The following PRKCB variants were observed in gnomAD, a reference collection of about 807,000 sequenced individuals.
The protein encoded by PRKCB is protein kinase C beta type.
PRKCB carries 13 observed loss-of-function variants against 81.5 expected under a neutral mutation model. The ratio of observed to expected loss-of-function variants is 0.16; its 90% CI spans 0.10 to 0.25. The LOEUF (loss-of-function observed/expected upper bound fraction) is 0.25. Ranked by LOEUF, PRKCB falls within the 10% of genes least tolerant of loss-of-function variation. The pLI, the probability that PRKCB is intolerant of heterozygous loss-of-function variation, is 1.00. For missense variants in PRKCB, 509 were observed against 875.7 expected (o/e 0.58, Z 5.29); for synonymous variants, 335 against 321.4 (o/e 1.04, Z -0.45).
intron 2 of PRKCB, among the ~76,000 whole-genome samples, chr16:23,863,474 C>T (rs1373961090): frequency 6.6e-6 from 1 of 152,060 alleles, no homozygotes. Flanking sequence ...TGGATCAGGA[C>T]TCCTTTCCTG....
At chr16:24,015,645 A>T (rs1272106556) in intron 3 of PRKCB, among the ~76,000 whole-genome samples, 4 of 151,762 alleles carry the variant, frequency 2.6e-5, no homozygotes, top group Admixed American at 2.6e-4. Flanking sequence ...CTTAAACTTC[A>T]TTTTCTCAGG....
Position 24,185,650 on chromosome 16 carries a change from G to C in PRKCB, c.1722+83G>C, listed in dbSNP as rs3729903. 6.8e-3 allele frequency: 7,778 copies of C among 1,151,858 alleles called. 31 individuals carry two copies. Among genetic ancestry groups the C allele is most frequent in the South Asian group, 9.5e-3 (721 of 75,678 alleles). The allele number at this position is 1,151,858 out of a possible 1,614,324, so 71.4% of individuals were successfully genotyped here. ...ACCTTGCCCAAGAACACCCCACCAGGGGGGAACACAGCCTGAACTCCACCC... is the reference window on the plus strand; with the variant it reads ...ACCTTGCCCAAGAACACCCCACCAGCGGGGAACACAGCCTGAACTCCACCC... On this transcript the variant is annotated intron_variant, in intron 15 of 16. Transcript: ENST00000643927.
At chr16:23,982,891 C>G (rs558372713) in intron 2 of PRKCB, among the ~76,000 whole-genome samples, 93 of 152,248 alleles carry the variant, frequency 6.1e-4, no homozygotes, top group Non-Finnish European at 1.1e-3. Context: ...TCATTGCTCA[C>G]CTGGCCCCTA....
chr16:24,001,554 G>T (rs2141830786), intron 3 of PRKCB, among the ~76,000 whole-genome samples: 1 of 152,238 alleles, frequency 6.6e-6, no homozygotes, highest in Admixed American at 6.5e-5. Flanking sequence ...TGAAAATCTG[G>T]TTGAAATGGA....
intron 1 of PRKCB, chr16:23,837,174 G>A (rs1170378926): frequency 1.4e-6 from 1 of 699,890 alleles, no homozygotes; most frequent in Non-Finnish European, 2.5e-6. Context: ...CCTCTCTTCT[G>A]CAGGAGTGAA....
chr16:24,041,796 C>G (rs1567354143), intron 5 of PRKCB, among the ~76,000 whole-genome samples: 1 of 151,738 alleles, frequency 6.6e-6, no homozygotes, highest in South Asian at 2.1e-4. Context: ...AGTTCAAGAC[C>G]AACGTGACAA....
intron 5 of PRKCB, among the ~76,000 whole-genome samples, chr16:24,084,083 T>G (rs1190740285): frequency 6.6e-6 from 1 of 152,138 alleles, no homozygotes; most frequent in Admixed American, 6.5e-5. Flanking sequence ...GCAGAAAATG[T>G]AATAAGTAAT....
intron 2 of PRKCB, among the ~76,000 whole-genome samples, chr16:23,930,078 G>C (rs1963949723): frequency 6.6e-6 from 1 of 152,104 alleles, no homozygotes; most frequent in Non-Finnish European, 1.5e-5. Context: ...TGCTTACATG[G>C]AGAGACAGCT....
intron 10 of PRKCB, among the ~76,000 whole-genome samples, chr16:24,167,344 C>A (rs1297814992): frequency 6.6e-6 from 1 of 151,986 alleles, no homozygotes; most frequent in Non-Finnish European, 1.5e-5. Flanking sequence ...GAAATAAAAA[C>A]CATTTTCTAA....
At chr16:24,195,873 A>G (rs1195814711) in intron 16 of PRKCB, among the ~76,000 whole-genome samples, 2 of 152,226 alleles carry the variant, frequency 1.3e-5, no homozygotes, top group South Asian at 4.2e-4. Context: ...GGCTTCTTTC[A>G]GTCCCTCAAA....
chr16:24,109,439 C>T (rs1279701136), intron 7 of PRKCB, among the ~76,000 whole-genome samples: 1,268 of 118,254 alleles, frequency 0.011, 10 homozygotes, highest in Middle Eastern at 0.023. Context: ...GGGTTGCGGC[C>T]GGGCAGAGGT....
At chr16:23,898,786 A>G (rs1202260704) in intron 2 of PRKCB, among the ~76,000 whole-genome samples, 1 of 152,196 alleles carries the variant, frequency 6.6e-6, no homozygotes, top group Non-Finnish European at 1.5e-5. Context: ...ACTACTACTG[A>G]AGGAGGACCG....
intron 3 of PRKCB, among the ~76,000 whole-genome samples, chr16:24,008,780 G>A (rs1295720671): frequency 1.3e-5 from 2 of 152,174 alleles, no homozygotes; most frequent in African/African-American, 4.8e-5. Context: ...GATGCAGTAC[G>A]AGACAGCAGA....
chr16:24,068,473 A>C (rs1966065740), intron 5 of PRKCB, among the ~76,000 whole-genome samples: 1 of 142,512 alleles, frequency 7.0e-6, no homozygotes, highest in Non-Finnish European at 1.5e-5. Flanking sequence ...TTTATGGCCC[A>C]AAGGAAAAAA....
intron 10 of PRKCB, among the ~76,000 whole-genome samples, chr16:24,164,573 T>C (rs1967313507): frequency 2.0e-5 from 3 of 152,188 alleles, no homozygotes; most frequent in African/African-American, 7.2e-5. Context: ...GAGCTTTTAA[T>C]TGGAGTTGAC....
At chr16:24,021,802 A>G (rs140143559) in intron 3 of PRKCB, among the ~76,000 whole-genome samples, 2 of 152,302 alleles carry the variant, frequency 1.3e-5, no homozygotes, top group African/African-American at 4.8e-5. Context: ...TAACTCCTCC[A>G]TCACTGGGCT....
chr16:23,874,820 T>G (rs1962968979), intron 2 of PRKCB, among the ~76,000 whole-genome samples: 1 of 152,214 alleles, frequency 6.6e-6, no homozygotes, highest in Admixed American at 6.5e-5. Context: ...TCTGATGAAA[T>G]CCTTAAGTGA....
At chr16:24,140,767 C>T (rs967449017) in intron 9 of PRKCB, among the ~76,000 whole-genome samples, 3 of 152,206 alleles carry the variant, frequency 2.0e-5, no homozygotes, top group Non-Finnish European at 4.4e-5. Flanking sequence ...CTTGTGACTT[C>T]TGGAATAATG....
chr16:24,191,090 C>A lies in PRKCB; in HGVS notation c.1723C>A (p.Leu575Met), dbSNP rs201555288. 2 of 1,613,186 alleles carry A rather than the reference C, an allele frequency of 1.2e-6. No homozygotes were observed. Among genetic ancestry groups the A allele is most frequent in the African/African-American group, 1.3e-5 (1 of 75,000 alleles). Reference sequence around the variant, plus strand: ...TTCAATGTTTTTCTTTCTCTCGAAGCTGATGACCAAACACCCAGGCAAACG... The same window carrying A: ...TTCAATGTTTTTCTTTCTCTCGAAGATGATGACCAAACACCCAGGCAAACG... ...SKEAVAICKG[L>M]MTKHPGKRLG... Residue 575 changes from leucine to methionine, a missense_variant and splice_region_variant, in exon 16 of 17, where the codon CTG (leucine) becomes ATG (methionine). Coordinates refer to ENST00000643927, the MANE Select transcript of PRKCB (RefSeq NM_002738.7).
Sources: allele counts gnomAD v4.1 joint callset (sites outside exome capture counted in the v4.1 genomes callset), GRCh38; gene constraint gnomAD v4.1.1; transcripts MANE v1.5; gene names NCBI Gene and HGNC (gene_info 2026-07-23, HGNC 2026-07-21).